ADD2: variants seen among roughly 807,000 people sequenced by gnomAD.
The protein encoded by ADD2 is adducin 2, also known as beta-adducin.
A neutral mutation model predicts 83.0 loss-of-function variants in ADD2; 23 were observed. The ratio of observed to expected loss-of-function variants is 0.28; its 90% confidence interval spans 0.20 to 0.39. The LOEUF (loss-of-function observed/expected upper bound fraction) is 0.39, where lower values mean the gene tolerates loss of function less well. Ranked by LOEUF, ADD2 falls within the 10% of genes least tolerant of loss-of-function variation. The probability of loss-of-function intolerance (pLI) is 1.00; values close to 1 mark genes in which losing one functional copy is unlikely to be tolerated. For missense variants in ADD2, 758 were observed against 944.9 expected, an observed-to-expected ratio of 0.80 and a Z score of 2.59; for synonymous variants, 375 against 375.4, an observed-to-expected ratio of 1.00 and a Z score of 0.01.
chr2:70,673,026 C>A lies in ADD2; in HGVS notation c.1742-20G>T. ...TCTCTCCTGAAAAAACAGAAAAACA[C>A]CTCAGGATAGAGGTCAAATAGAGAA... On this transcript the variant is annotated intron_variant, in intron 14 of 15. Transcript: ENST00000264436. The A allele has an allele frequency of 6.2e-7, 1 of 1,608,936 alleles. No homozygotes were observed.
chr2:70,740,552 C>A (rs1486039404), intron 1 of ADD2, among the ~76,000 whole-genome samples: 1 of 152,160 alleles, frequency 6.6e-6, no homozygotes, highest in Non-Finnish European at 1.5e-5. Flanking sequence ...CCTCAGCTAA[C>A]AATTTCTTCA....
At chr2:70,761,817 G>A (rs1178526783) in intron 1 of ADD2, among the ~76,000 whole-genome samples, 3 of 150,232 alleles carry the variant, frequency 2.0e-5, no homozygotes, top group African/African-American at 7.4e-5. Context: ...GACTACAGGT[G>A]CCCGCCACCA....
Position 70,768,038 on chromosome 2 carries a change from G to T in ADD2, c.-306C>A. 1.4e-6 allele frequency: 2 copies of T among 1,449,816 alleles called. No homozygotes were observed. Among genetic ancestry groups the T allele is most frequent in the Non-Finnish European group, 9.2e-7 (1 of 1,084,548 alleles). 89.8% of individuals were successfully genotyped at this position (1,449,816 alleles called of 1,614,324 possible). A position where few individuals can be genotyped will look rare whatever the true frequency, so the allele number is the denominator to read the frequency against. ...CATGCTGCAGCCCGCGCTCGTCAGAGCTGCTGGGAGATCCCCCAGCAGTGC... is the reference window on the plus strand; with the variant it reads ...CATGCTGCAGCCCGCGCTCGTCAGATCTGCTGGGAGATCCCCCAGCAGTGC... On this transcript the variant is annotated 5_prime_UTR_variant, in exon 1 of 16. Coordinates refer to ENST00000264436, the MANE Select transcript of ADD2 (RefSeq NM_001617.4).
At chr2:70,732,344 A>C (rs1257949894) in intron 1 of ADD2, among the ~76,000 whole-genome samples, 2 of 152,222 alleles carry the variant, frequency 1.3e-5, no homozygotes, top group African/African-American at 4.8e-5. Flanking sequence ...TGCTGAGCTT[A>C]CAGTAAGTCC....
chr2:70,670,769 C>G (rs1669862362), intron 15 of ADD2, among the ~76,000 whole-genome samples: 1 of 152,194 alleles, frequency 6.6e-6, no homozygotes, highest in South Asian at 2.1e-4. Context: ...AGCCTGTGAG[C>G]AGCCTGGCCA....
At chr2:70,692,755 A>G (rs1671112006) in intron 6 of ADD2, among the ~76,000 whole-genome samples, 1 of 152,174 alleles carries the variant, frequency 6.6e-6, no homozygotes, top group Non-Finnish European at 1.5e-5. Context: ...ACAGACGATT[A>G]TAATTCAGCA....
intron 1 of ADD2, among the ~76,000 whole-genome samples, chr2:70,715,439 A>G (rs1319393155): frequency 6.6e-6 from 1 of 152,096 alleles, no homozygotes; most frequent in African/African-American, 2.4e-5. Flanking sequence ...CAGAGCAGAG[A>G]TGCAAGGGAC....
intron 1 of ADD2, among the ~76,000 whole-genome samples, chr2:70,747,349 C>T (rs1305342670): frequency 6.6e-6 from 1 of 152,162 alleles, no homozygotes; most frequent in Non-Finnish European, 1.5e-5. Context: ...AGCTGAACCT[C>T]AAGATTACAA....
In ADD2 at chr2:70,767,924, G is replaced by A; in HGVS notation, c.-192C>T. On this transcript the variant is annotated 5_prime_UTR_variant, in exon 1 of 16. Coordinates refer to ENST00000264436, the MANE Select transcript of ADD2 (RefSeq NM_001617.4). Reference sequence around the variant, plus strand: ...TCTTAGCTATCTCCGGTCGGCCACTGCGGGTTGGTTTTGTTATTTTATGGG... The same window carrying A: ...TCTTAGCTATCTCCGGTCGGCCACTACGGGTTGGTTTTGTTATTTTATGGG... The A allele has an allele frequency of 6.5e-7, 1 of 1,535,996 alleles. No individual in the cohort carries two copies. The highest frequency in any genetic ancestry group is 8.7e-7 in the Non-Finnish European group (1 of 1,146,830).
rs1671791359 is a variant in ADD2 at position 70,704,537 on chromosome 2, A to AC, written c.184-79dup. 3 of 1,572,560 alleles carry AC rather than the reference A, an allele frequency of 1.9e-6. No homozygotes were observed. In the South Asian group the frequency reaches 3.5e-5, roughly 18 times the overall value. ...CAACAATGAGCTCTTCCAAGTGCCC[A>AC]CCCCTTGCCCCTGGGTCAGCTAGGT... On this transcript the variant is annotated intron_variant, in intron 3 of 15. Coordinates refer to ENST00000264436, the MANE Select transcript of ADD2 (RefSeq NM_001617.4).
intron 15 of ADD2, 63 bp from the exon 16 acceptor site, chr2:70,663,798 G>GC: frequency 6.7e-7 from 1 of 1,495,704 alleles, no homozygotes. Context: ...TCCACCTGGG[G>GC]CTAACAGAAC....
At chr2:70,745,690 G>A (rs1553381868) in intron 1 of ADD2, among the ~76,000 whole-genome samples, 1 of 152,136 alleles carries the variant, frequency 6.6e-6, no homozygotes, top group East Asian at 1.9e-4. Flanking sequence ...CCTCTTTCCT[G>A]AGAAAGCACA....
chr2:70,761,220 T>C (rs1675067051), intron 1 of ADD2, among the ~76,000 whole-genome samples: 1 of 133,776 alleles, frequency 7.5e-6, no homozygotes, highest in Non-Finnish European at 1.6e-5. Flanking sequence ...AGCAAAAGCA[T>C]GCATTACTTT....
rs1671322376 is a variant in ADD2 at position 70,696,497 on chromosome 2, G to A, written c.323-101C>T. 3.4e-6 allele frequency: 5 copies of A among 1,482,364 alleles called. No individual in the cohort carries two copies. In the Admixed American group the frequency reaches 5.7e-5, roughly 17 times the overall value. 91.8% of individuals were successfully genotyped at this position (1,482,364 alleles called of 1,614,324 possible). A position where few individuals can be genotyped will look rare whatever the true frequency, so the allele number is the denominator to read the frequency against. On this transcript the variant is annotated intron_variant, in intron 4 of 15. Transcript: ENST00000264436. Reference sequence around the variant, plus strand: ...TCTCACTGGCACTAAAACTGCACAGGAGACTTCCCCAGGCAGGGAATTAAA... The same window carrying A: ...TCTCACTGGCACTAAAACTGCACAGAAGACTTCCCCAGGCAGGGAATTAAA...
At chr2:70,743,389 C>T (rs781882212) in intron 1 of ADD2, among the ~76,000 whole-genome samples, 1 of 152,204 alleles carries the variant, frequency 6.6e-6, no homozygotes, top group Non-Finnish European at 1.5e-5. Context: ...GAGCATAAGG[C>T]ACCTCTGGTC....
rs113607530 is a variant in ADD2, at chr2:70,664,918, G to A, written c.1871-1183C>T. Among the ~76,000 whole-genome samples the A allele has an allele frequency of 4.6e-5, 7 of 152,186 alleles. 2 individuals are homozygous for A. Among genetic ancestry groups the A allele is most frequent in the African/African-American group, 1.4e-4 (6 of 41,536 alleles). Reference sequence around the variant, plus strand: ...GTGGTATATGAGTGTGGGAGTGAGCGTTTACAAATGTGTTTGTGTAAGTGT... The same window carrying A: ...GTGGTATATGAGTGTGGGAGTGAGCATTTACAAATGTGTTTGTGTAAGTGT... On this transcript the variant is annotated intron_variant, in intron 15 of 15. Coordinates refer to ENST00000264436, the MANE Select transcript of ADD2 (RefSeq NM_001617.4).
At chr2:70,748,858 A>C (rs1553382480) in intron 1 of ADD2, among the ~76,000 whole-genome samples, 1 of 152,222 alleles carries the variant, frequency 6.6e-6, no homozygotes, top group East Asian at 1.9e-4. Flanking sequence ...AGTGCAACAC[A>C]GTTCAAGCCA....
intron 14 of ADD2, chr2:70,673,340 G>C: frequency 6.2e-7 from 1 of 1,613,536 alleles, no homozygotes; most frequent in Non-Finnish European, 8.5e-7. Context: ...AAGAGAACCA[G>C]CCAGGAGCTT....
chr2:70,690,697 C>G (rs1670982066), intron 8 of ADD2, 89 bp downstream of exon 8: 1 of 1,448,898 alleles, frequency 6.9e-7, no homozygotes, highest in Non-Finnish European at 9.2e-7. Flanking sequence ...CTCTCCCTCC[C>G]TTATTGTCCA....
Sources: allele counts gnomAD v4.1 joint callset (sites outside exome capture counted in the v4.1 genomes callset), GRCh38; gene constraint gnomAD v4.1.1; transcripts MANE v1.5; gene names NCBI Gene and HGNC (gene_info 2026-07-23, HGNC 2026-07-21).